Variants in USP20 observed in about 807,000 individuals in gnomAD.
USP20 encodes the protein ubiquitin specific peptidase 20.
A neutral mutation model predicts 124.2 loss-of-function variants in USP20; 80 were observed. That is an observed-to-expected ratio of 0.64 (90% CI 0.54 to 0.78). The LOEUF (loss-of-function observed/expected upper bound fraction) is 0.78. Among genes scored for constraint, USP20 ranks in the 30% least tolerant of loss-of-function variants. USP20 has a pLI of 0.00. For missense variants in USP20, 1,043 were observed against 1,244.4 expected (o/e 0.84, Z 2.44); for synonymous variants, 481 against 512.3 (o/e 0.94, Z 0.83).
intron 1 of USP20, among the ~76,000 whole-genome samples, chr9:129,845,963 C>T (rs1268718814): frequency 2.6e-5 from 4 of 151,552 alleles, no homozygotes; most frequent in East Asian, 3.9e-4. Context: ...CTCGCTCTGT[C>T]GCCCAGGCTG....
intron 1 of USP20, among the ~76,000 whole-genome samples, chr9:129,836,128 G>T (rs1030577745): frequency 1.3e-5 from 2 of 152,182 alleles, no homozygotes; most frequent in African/African-American, 4.8e-5. Context: ...CCCCGAAGAT[G>T]CTGTGAGGAT....
chr9:129,859,285 A>ATTTTATTTTATTTTATTTTATT (rs1175289958), intron 6 of USP20, among the ~76,000 whole-genome samples: 1 of 9,332 alleles, frequency 1.1e-4, no homozygotes, highest in Non-Finnish European at 3.2e-4. Flanking sequence ...TTTTATTTTA[A>ATTTTATTTTATTTTATTTTATT]TTTTTTGAGA....
rs554923154 is a variant in USP20, at chr9:129,876,164, G to A, written c.2335G>A (p.Val779Met). 27 of 1,613,404 alleles carry A rather than the reference G, an allele frequency of 1.7e-5. No homozygotes were observed. Among genetic ancestry groups the A allele is most frequent in the Middle Eastern group, 3.3e-4 (2 of 6,060 alleles). The change falls in exon 22 of 26, where the codon GTG (valine) becomes ATG (methionine). Residue 779 changes from valine (V) to methionine (M), a missense_variant. Coordinates refer to ENST00000372429, the MANE Select transcript of USP20 (RefSeq NM_001110303.4). ...GGGPAVNHLY[V>M]CSICQVEIEA... ...TGGCCCCGCCGTGAACCACCTGTAC[G>A]TGTGCTCCATCTGCCAGGTGGAGAT...
Position 129,848,479 on chromosome 9 carries a change from G to A in USP20, c.-128-1334G>A, listed in dbSNP as rs548960056. ...CAAGAATGTAAGTCCAATTGCACTT[G>A]CAAATCAAGAGTGAGTCTGTTAAAT... On this transcript the variant is annotated intron_variant, in intron 1 of 25. Transcript: ENST00000372429. Among the ~76,000 whole-genome samples the A allele has an allele frequency of 8.7e-4, 131 of 151,090 alleles. 2 individuals are homozygous for A. The highest frequency in any genetic ancestry group is 5.0e-3 in the South Asian group (24 of 4,782).
At chr9:129,850,156 GATGAGTCTAGGTAC>G (rs1439795922) in intron 2 of USP20, among the ~76,000 whole-genome samples, 2 of 152,152 alleles carry the variant, frequency 1.3e-5, no homozygotes, top group Admixed American at 1.3e-4. Context: ...GTTGTTAATT[GATGAGTCTAGGTAC>G]ATGGAAACAT....
chr9:129,875,176 G>A, intron 19 of USP20, 134 bp from the exon 20 acceptor site: 2 of 1,251,478 alleles, frequency 1.6e-6, no homozygotes, highest in South Asian at 3.1e-5. Context: ...CTGCTCACAT[G>A]TCCAGGACCC....
intron 8 of USP20, 71 bp downstream of exon 8, chr9:129,861,683 C>G (rs1288302373): frequency 6.8e-7 from 1 of 1,475,536 alleles, no homozygotes; most frequent in Non-Finnish European, 9.4e-7. Context: ...GCAGTAGCAG[C>G]CCCCAGCCGG....
In USP20 at chr9:129,835,471, AGGC is replaced by A. The variant is rs767625741; in HGVS notation, c.-146_-144del. 4.4e-5 allele frequency: 18 copies of A among 413,002 alleles called. No individual in the cohort carries two copies. The highest frequency in any genetic ancestry group is 9.5e-5 in the Admixed American group (2 of 20,964). 25.6% of individuals were successfully genotyped at this position (413,002 alleles called of 1,614,324 possible). A position where few individuals can be genotyped will look rare whatever the true frequency, so the allele number is the denominator to read the frequency against. On this transcript the variant is annotated 5_prime_UTR_variant, in exon 1 of 26. Transcript: ENST00000372429. ...CTCAGAGGGGGCGCGCTTGACTGAC[AGGC>A]GGCGGCGGCGCAGTTGCGAGTGCAG... is the stretch of plus-strand genomic sequence containing the variant.
rs1325550053 is a variant in USP20 at position 129,858,459 on chromosome 9, C to A, written c.199-8C>A. 2 of 1,613,968 alleles carry A rather than the reference C, an allele frequency of 1.2e-6. No homozygotes were observed. Among genetic ancestry groups the A allele is most frequent in the South Asian group, 1.1e-5 (1 of 91,086 alleles). On this transcript the variant is annotated splice_polypyrimidine_tract_variant and splice_region_variant and intron_variant, in intron 5 of 25. Coordinates refer to ENST00000372429, the MANE Select transcript of USP20 (RefSeq NM_001110303.4). ...GCCCTGGACCTTGTTTTGGATATCACCCTCTAGGCAAAAAAGCACAACTTG... is the reference window on the plus strand; with the variant it reads ...GCCCTGGACCTTGTTTTGGATATCAACCTCTAGGCAAAAAAGCACAACTTG...
At chr9:129,867,607 C>T (rs190026969) in intron 10 of USP20, among the ~76,000 whole-genome samples, 45 of 152,270 alleles carry the variant, frequency 3.0e-4, no homozygotes, top group Admixed American at 2.9e-3. Context: ...CCCCCCTGCC[C>T]ACCTCCACTG....
chr9:129,879,544 T>C lies in USP20; in HGVS notation c.2513-29T>C. On this transcript the variant is annotated intron_variant, in intron 23 of 25. Transcript: ENST00000372429. The surrounding 1 kb of genome is among the most constrained non-coding windows in gnomAD (Gnocchi z 4.2). ...GGAGGGTGGAGGGCATGGCAGGGGC[T>C]GAACCCGAGCCCGCTGTGTCTGTTG... The C allele has an allele frequency of 1.2e-6, 2 of 1,612,052 alleles. No homozygotes were observed. Among genetic ancestry groups the C allele is most frequent in the Non-Finnish European group, 1.7e-6 (2 of 1,179,112 alleles).
At chr9:129,852,343 G>A (rs1380631872) in intron 2 of USP20, among the ~76,000 whole-genome samples, 197 bp from the exon 3 acceptor site, 1 of 152,184 alleles carries the variant, frequency 6.6e-6, no homozygotes, top group Non-Finnish European at 1.5e-5. Context: ...TGACCTAGGA[G>A]CGACCCACTG....
intron 1 of USP20, among the ~76,000 whole-genome samples, chr9:129,846,248 T>TATATATA (rs1491285186): frequency 9.9e-5 from 4 of 40,602 alleles, no homozygotes; most frequent in African/African-American, 4.6e-4. Context: ...TATATATATA[T>TATATATA]TTTTTTTTTT....
rs768857606 is a variant in USP20 at position 129,852,633 on chromosome 9, T to G, written c.78T>G (p.Ser26=). Residue 26 remains serine, a synonymous_variant, in exon 3 of 26, where the codon TCT becomes TCG. Transcript: ENST00000372429. ...EVTKEDLLLK[S]KGTCQSCGVT... is the part of the protein sequence containing the mutation. The stretch of plus-strand genomic sequence containing the variant: ...CCAAAGAGGACTTGCTGCTCAAATC[T>G]AAGGTAAAGGGTCAGACCTTACGGG... 6.3e-6 allele frequency: 10 copies of G among 1,588,098 alleles called. No homozygotes were observed. The highest frequency in any genetic ancestry group is 7.7e-6 in the Non-Finnish European group (9 of 1,165,926).
chr9:129,858,260 G>A (rs568973943), intron 5 of USP20, 148 bp downstream of exon 5: 1 of 1,147,118 alleles, frequency 8.7e-7, no homozygotes, highest in Non-Finnish European at 1.3e-6. Flanking sequence ...AAGAGAGAAT[G>A]CAGGTAAAAA....
intron 2 of USP20, among the ~76,000 whole-genome samples, chr9:129,851,955 C>T (rs894980967): frequency 3.9e-5 from 6 of 152,176 alleles, no homozygotes; most frequent in African/African-American, 1.4e-4. Flanking sequence ...GGCAGTGCTG[C>T]ATGGCCTGCT....
At chr9:129,843,608 G>A (rs1425644270) in intron 1 of USP20, among the ~76,000 whole-genome samples, 5 of 150,734 alleles carry the variant, frequency 3.3e-5, no homozygotes, top group African/African-American at 9.8e-5. Context: ...GTGGTGGTGT[G>A]TGCTTGTAAT....
rs551270387 is a variant in USP20, at chr9:129,873,596, C to G, written c.1694+81C>G. 7.3e-5 allele frequency: 117 copies of G among 1,613,178 alleles called. No individual in the cohort carries two copies. In the South Asian group the frequency reaches 1.3e-3, roughly 17 times the overall value. The stretch of plus-strand genomic sequence containing the variant: ...TCCCCTTGGGTTCCTGCAGAGAGCC[C>G]CCTATAATCCTGCCTTCCCAGAAGG... On this transcript the variant is annotated intron_variant, in intron 16 of 25. Coordinates refer to ENST00000372429, the MANE Select transcript of USP20 (RefSeq NM_001110303.4).
At position 129,835,664 on chromosome 9, in the gene USP20, C is replaced by T. The variant is rs367997255; in HGVS notation, c.-129+165C>T. ...CCCCCGGCCGCCGCCGCCCCTCTCC[C>T]CTCCTCCGGTCGGCGCCCAGGGGGG... is the stretch of plus-strand genomic sequence containing the variant. On this transcript the variant is annotated intron_variant, in intron 1 of 25. Coordinates refer to ENST00000372429, the MANE Select transcript of USP20 (RefSeq NM_001110303.4). 2.4e-3 allele frequency: 371 copies of T among 156,066 alleles called. 1 individual carries two copies. The highest frequency in any genetic ancestry group is 4.4e-3 in the Non-Finnish European group (311 of 70,462). The allele number at this position is 156,066 out of a possible 1,614,324, so 9.7% of individuals were successfully genotyped here.
Sources: allele counts gnomAD v4.1 joint callset (sites outside exome capture counted in the v4.1 genomes callset), GRCh38; gene constraint gnomAD v4.1.1; non-coding constraint Gnocchi (gnomAD v3.1); transcripts MANE v1.5; gene names NCBI Gene and HGNC (gene_info 2026-07-23, HGNC 2026-07-21).